Variants in GRIN1 observed in about 807,000 individuals in gnomAD.
GRIN1 encodes glutamate ionotropic receptor NMDA type subunit 1.
Under a neutral mutation model 103.0 loss-of-function variants are expected in GRIN1, and 38 were observed. The observed-to-expected ratio is 0.37, with a 90% CI of 0.28 to 0.48. The LOEUF (loss-of-function observed/expected upper bound fraction) is 0.48. Ranked by LOEUF, GRIN1 falls within the 20% of genes least tolerant of loss-of-function variation. The pLI, the probability that GRIN1 is intolerant of heterozygous loss-of-function variation, is 0.98. For missense variants in GRIN1, 577 were observed against 1,288.9 expected (o/e 0.45, Z 8.46); for synonymous variants, 544 against 532.7 (o/e 1.02, Z -0.29).
intron 19 of GRIN1, among the ~76,000 whole-genome samples, chr9:137,166,958 G>A (rs561008702): frequency 6.6e-6 from 1 of 152,346 alleles, no homozygotes; most frequent in South Asian, 2.1e-4. Flanking sequence ...GCCACTTTCA[G>A]AGGGTGACAC....
chr9:137,154,087 C>G (rs753444849), intron 4 of GRIN1, among the ~76,000 whole-genome samples: 40 of 150,632 alleles, frequency 2.7e-4, no homozygotes, highest in Non-Finnish European at 5.5e-4. Context: ...GCTGGCATTA[C>G]AGGCATGAGC....
In GRIN1 at chr9:137,167,929, C is replaced by T. The variant is rs202078873; in HGVS notation, c.*402C>T. On this transcript the variant is annotated 3_prime_UTR_variant, in exon 20 of 20. Coordinates refer to ENST00000371561, the MANE Select transcript of GRIN1 (RefSeq NM_007327.4). ...CTCGGGAAGGCCTGAGGGAAGCCCA[C>T]CCGCCCCAGAGACTGCCCACCCTGG... is the stretch of plus-strand genomic sequence containing the variant. The T allele has an allele frequency of 8.0e-7, 1 of 1,250,322 alleles. No homozygotes were observed. The highest frequency in any genetic ancestry group is 1.1e-6 in the Non-Finnish European group (1 of 875,694). 77.5% of individuals were successfully genotyped at this position (1,250,322 alleles called of 1,614,324 possible). A position where few individuals can be genotyped will look rare whatever the true frequency, so the allele number is the denominator to read the frequency against.
intron 10 of GRIN1, 127 bp from the exon 11 acceptor site, chr9:137,161,797 C>CT: frequency 1.0e-6 from 1 of 986,342 alleles, no homozygotes. Context: ...GGGGTGGGGC[C>CT]TGCGAGCTGG....
chr9:137,152,293 G>A (rs1252447300), intron 4 of GRIN1, among the ~76,000 whole-genome samples: 1 of 152,186 alleles, frequency 6.6e-6, no homozygotes, highest in Non-Finnish European at 1.5e-5. Flanking sequence ...GCTGTGATGG[G>A]ATAAAAGGAT....
rs368378783 is a variant in GRIN1, at chr9:137,142,135, C to T, written c.381C>T (p.Ile127=). The change falls in exon 2 of 20, where the codon ATC becomes ATT. Residue 127 remains isoleucine, a synonymous_variant. Transcript: ENST00000371561. ...TGGGGCTGACCACCCGCATGTCCATCTACTCGGACAAGGTAAGCCTGACTG... is the reference window on the plus strand; with the variant it reads ...TGGGGCTGACCACCCGCATGTCCATTTACTCGGACAAGGTAAGCCTGACTG... ...PVLGLTTRMS[I]YSDKSIHLSF... 19 of 1,614,154 alleles carry T rather than the reference C, an allele frequency of 1.2e-5. No individual in the cohort carries two copies. Among genetic ancestry groups the T allele is most frequent in the Non-Finnish European group, 1.6e-5 (19 of 1,180,032 alleles).
Position 137,146,752 on chromosome 9 carries a change from G to A in GRIN1, c.570+850G>A, listed in dbSNP as rs1832556360. 6.6e-6 allele frequency among the ~76,000 whole-genome samples: 1 copy of A among 152,206 alleles called. No homozygotes were observed. Among genetic ancestry groups the A allele is most frequent in the Non-Finnish European group, 1.5e-5 (1 of 68,030 alleles). On this transcript the variant is annotated intron_variant, in intron 3 of 19. Coordinates refer to ENST00000371561, the MANE Select transcript of GRIN1 (RefSeq NM_007327.4). This position sits in a 1 kb window ranked among gnomAD's most constrained non-coding sequence, Gnocchi z 6.7. Reference sequence around the variant, plus strand: ...CAAGCAGTGGGAGGAGGCCCAGGCTGAGGAGGGCCAGACCTATGGGTGGCT... The same window carrying A: ...CAAGCAGTGGGAGGAGGCCCAGGCTAAGGAGGGCCAGACCTATGGGTGGCT...
chr9:137,158,237 G>C (rs1833344569), intron 6 of GRIN1, 142 bp from the exon 7 acceptor site: 1 of 911,596 alleles, frequency 1.1e-6, no homozygotes, highest in South Asian at 1.4e-5. Flanking sequence ...CAAGGGAAAA[G>C]CCCAAGCTGC....
chr9:137,139,741 C>T lies in GRIN1; in HGVS notation c.255C>T (p.Ser85=), dbSNP rs797045605. The T allele has an allele frequency of 1.9e-6, 3 of 1,613,066 alleles. No individual in the cohort carries two copies. In the Admixed American group the frequency reaches 5.0e-5, roughly 27 times the overall value. The part of the protein sequence containing the change: ...ALSVCEDLIS[S]QVYAILVSHP... Reference sequence around the variant, plus strand: ...CGGTGTGCGAGGACCTCATCTCCAGCCAGGTGCCCTCCCCCACCTCCGCCA... The same window carrying T: ...CGGTGTGCGAGGACCTCATCTCCAGTCAGGTGCCCTCCCCCACCTCCGCCA... The change falls in exon 1 of 20, where the codon AGC becomes AGT. Residue 85 remains serine (S), a synonymous_variant. Transcript: ENST00000371561. This position sits in a 1 kb window ranked among gnomAD's most constrained non-coding sequence, Gnocchi z 7.7.
intron 3 of GRIN1, 133 bp from the exon 4 acceptor site, chr9:137,148,876 G>T: frequency 1.4e-6 from 1 of 712,768 alleles, no homozygotes; most frequent in South Asian, 1.5e-5. Flanking sequence ...CGGAGGCGCA[G>T]GTGGCAGGCG....
chr9:137,155,940 TGGCCG>T (rs1833192557), intron 4 of GRIN1, among the ~76,000 whole-genome samples: 1 of 152,226 alleles, frequency 6.6e-6, no homozygotes, highest in Non-Finnish European at 1.5e-5. Flanking sequence ...CTCTCATCTC[TGGCCG>T]TCCCCAGGAC....
chr9:137,156,681 T>C lies in GRIN1; in HGVS notation c.684T>C (p.Ala228=). The part of the protein sequence containing the change: ...VIILSASEDD[A]ATVYRAAAML... Reference sequence around the variant, plus strand: ...GTCTGCCCCACAGCGAGGACGATGCTGCCACTGTATACCGCGCAGCCGCGA... The same window carrying C: ...GTCTGCCCCACAGCGAGGACGATGCCGCCACTGTATACCGCGCAGCCGCGA... Residue 228 remains alanine, a synonymous_variant, in exon 5 of 20, where the codon GCT becomes GCC. Coordinates refer to ENST00000371561, the MANE Select transcript of GRIN1 (RefSeq NM_007327.4). 1 of 1,600,542 alleles carries C rather than the reference T, an allele frequency of 6.2e-7. No individual in the cohort carries two copies. The highest frequency in any genetic ancestry group is 8.5e-7 in the Non-Finnish European group (1 of 1,174,830).
intron 4 of GRIN1, among the ~76,000 whole-genome samples, chr9:137,151,562 G>A (rs1477891706): frequency 8.1e-6 from 1 of 123,714 alleles, no homozygotes. Flanking sequence ...CCAGAAACGT[G>A]CCACCCAGGG....
At position 137,157,038 on chromosome 9, in the gene GRIN1, GTGGGCGGGGCCTCCCCGGAGC is replaced by G. The variant is rs1564357925; in HGVS notation, c.968+12_968+32del. 3.1e-6 allele frequency: 5 copies of G among 1,610,276 alleles called. No homozygotes were observed. The highest frequency in any genetic ancestry group is 2.2e-5 in the East Asian group (1 of 44,826). Reference sequence around the variant, plus strand: ...GGAAGACCGGGCCGCTCTTCAAGAGGTGGGCGGGGCCTCCCCGGAGCTGGGCGGGGCTGCTCTTGGGGAGGT... The same window carrying G: ...GGAAGACCGGGCCGCTCTTCAAGAGGTGGGCGGGGCTGCTCTTGGGGAGGT... On this transcript the variant is annotated splice_donor_variant and splice_donor_5th_base_variant and intron_variant, in intron 6 of 19. Transcript: ENST00000371561. LOFTEE classifies it high-confidence loss of function.
intron 4 of GRIN1, among the ~76,000 whole-genome samples, chr9:137,150,567 C>T (rs1832791786): frequency 6.7e-6 from 1 of 148,296 alleles, no homozygotes; most frequent in Non-Finnish European, 1.5e-5. Context: ...GAAAAAAGAC[C>T]TGCCCAGGGA....
intron 14 of GRIN1, 28 bp from the exon 15 acceptor site, chr9:137,162,818 C>A (rs1445476667): frequency 6.2e-7 from 1 of 1,610,260 alleles, no homozygotes; most frequent in Non-Finnish European, 8.5e-7. Flanking sequence ...GGAGCCGCCG[C>A]CGCGATCCCT....
chr9:137,142,302 C>T (rs1029067051), intron 2 of GRIN1, among the ~76,000 whole-genome samples, 155 bp downstream of exon 2: 2 of 152,270 alleles, frequency 1.3e-5, no homozygotes, highest in African/African-American at 4.8e-5. Context: ...CACGCTCTCA[C>T]GTGTCCAACT....
In GRIN1 at chr9:137,141,883, T is replaced by C. The variant is rs1052426623; in HGVS notation, c.259-130T>C. 7 of 961,140 alleles carry C rather than the reference T, an allele frequency of 7.3e-6. No homozygotes were observed. In the East Asian group the frequency reaches 1.4e-4, roughly 20 times the overall value. 59.5% of individuals were successfully genotyped at this position (961,140 alleles called of 1,614,324 possible). A position where few individuals can be genotyped will look rare whatever the true frequency, so the allele number is the denominator to read the frequency against. On this transcript the variant is annotated intron_variant, in intron 1 of 19. Coordinates refer to ENST00000371561, the MANE Select transcript of GRIN1 (RefSeq NM_007327.4). ...TGCATCTGGGCCTGGGCATGTAGCA[T>C]GTACCCGAATCATGCCCCCAGCCCC...
Position 137,139,730 on chromosome 9 carries a change from C to G in GRIN1, c.244C>G (p.Leu82Val). The stretch of plus-strand genomic sequence containing the variant: ...GATGGCTCTGTCGGTGTGCGAGGAC[C>G]TCATCTCCAGCCAGGTGCCCTCCCC... ...IQMALSVCEDLISSQVYAILV... is the reference protein window; with the variant it reads ...IQMALSVCEDVISSQVYAILV... Residue 82 changes from leucine to valine, a missense_variant, in exon 1 of 20, where the codon CTC becomes GTC. Physicochemically the swap from Leu to Val is conservative, Grantham distance 32. Transcript: ENST00000371561. The surrounding 1 kb of genome is among the most constrained non-coding windows in gnomAD (Gnocchi z 7.7). 1.2e-6 allele frequency: 2 copies of G among 1,613,662 alleles called. No homozygotes were observed. The highest frequency in any genetic ancestry group is 1.7e-6 in the Non-Finnish European group (2 of 1,179,814).
At chr9:137,152,147 C>T (rs1464929220) in intron 4 of GRIN1, among the ~76,000 whole-genome samples, 1 of 152,190 alleles carries the variant, frequency 6.6e-6, no homozygotes, top group Non-Finnish European at 1.5e-5. Context: ...GCCTCATGAT[C>T]TGCCCGCCTC....
Sources: gnomAD v4.1 joint callset for allele counts (sites outside exome capture counted in the v4.1 genomes callset) on GRCh38, gnomAD v4.1.1 for gene constraint, Gnocchi (gnomAD v3.1) non-coding constraint, MANE v1.5 for transcripts, NCBI Gene and HGNC (gene_info 2026-07-23, HGNC 2026-07-21) for gene names.